Variants in MIPEP observed in about 807,000 individuals in gnomAD.
MIPEP encodes mitochondrial intermediate peptidase.
Under a neutral mutation model 90.3 loss-of-function variants are expected in MIPEP, and 79 were observed. That is an observed-to-expected ratio of 0.87 (90% CI 0.73 to 1.05). The LOEUF is 1.05. Among genes scored for constraint, MIPEP ranks in the 50% least tolerant of loss-of-function variants. The probability of loss-of-function intolerance (pLI) is 0.00; values close to 1 mark genes in which losing one functional copy is unlikely to be tolerated. For synonymous variants in MIPEP, 334 were observed against 315.8 expected, an observed-to-expected ratio of 1.06 and a Z score of -0.61; for missense variants, 940 against 905.6, an observed-to-expected ratio of 1.04 and a Z score of -0.49.
At chr13:23,874,395 G>A (rs1247912108) in intron 5 of MIPEP, among the ~76,000 whole-genome samples, 1 of 151,740 alleles carries the variant, frequency 6.6e-6, no homozygotes, top group Non-Finnish European at 1.5e-5. Context: ...TGAAGGGGAT[G>A]GACTAGGTAG....
intron 14 of MIPEP, among the ~76,000 whole-genome samples, chr13:23,818,092 C>T (rs1275765403): frequency 1.3e-5 from 2 of 149,332 alleles, no homozygotes; most frequent in Admixed American, 6.6e-5. Flanking sequence ...AGCTAAGCAG[C>T]GTTAAAAGAA....
chr13:23,750,923 CTG>C (rs1316553893), intron 18 of MIPEP, among the ~76,000 whole-genome samples: 1 of 152,194 alleles, frequency 6.6e-6, no homozygotes, highest in Non-Finnish European at 1.5e-5. Flanking sequence ...GCGCCCATCA[CTG>C]TGTGTGTTTC....
intron 16 of MIPEP, among the ~76,000 whole-genome samples, chr13:23,797,758 G>A (rs1255953531): frequency 1.3e-5 from 2 of 152,178 alleles, no homozygotes; most frequent in Non-Finnish European, 2.9e-5. Context: ...CAGGGAAGGA[G>A]CCTCCCTCTG....
Position 23,841,489 on chromosome 13 carries a change from C to A in MIPEP, c.1107-1G>T, listed in dbSNP as rs749302105. On this transcript the variant is annotated splice_acceptor_variant, in intron 10 of 18. Coordinates refer to ENST00000382172, the MANE Select transcript of MIPEP (RefSeq NM_005932.4). LOFTEE classifies it high-confidence loss of function. ...ATATAGGCTGGGCTCAATATTATAC[C>A]TAAGAGAAGGAAGAGAGGTTCAACA... 1.3e-6 allele frequency: 2 copies of A among 1,597,778 alleles called. No individual in the cohort carries two copies. Among genetic ancestry groups the A allele is most frequent in the Non-Finnish European group, 8.5e-7 (1 of 1,175,446 alleles).
chr13:23,886,531 T>A lies in MIPEP; in HGVS notation c.190-25A>T, dbSNP rs758725096. 25 of 1,504,158 alleles carry A rather than the reference T, an allele frequency of 1.7e-5. No individual in the cohort carries two copies. The South Asian group carries it at 3.3e-4, about 20-fold the overall frequency. The allele number at this position is 1,504,158 out of a possible 1,614,324, so 93.2% of individuals were successfully genotyped here. A position where few individuals can be genotyped will look rare whatever the true frequency, so the allele number is the denominator to read the frequency against. On this transcript the variant is annotated intron_variant, in intron 1 of 18. Transcript: ENST00000382172. Reference sequence around the variant, plus strand: ...CCTTAGAACCAAAGAATACGTCTGATTTATAACCAAAATTCAAAATTGTGC... The same window carrying A: ...CCTTAGAACCAAAGAATACGTCTGAATTATAACCAAAATTCAAAATTGTGC...
At chr13:23,753,454 AT>A (rs1319129509) in intron 18 of MIPEP, among the ~76,000 whole-genome samples, 1 of 152,120 alleles carries the variant, frequency 6.6e-6, no homozygotes, top group Non-Finnish European at 1.5e-5. Context: ...TTCAAATGGT[AT>A]TTGGTGTGTT....
At chr13:23,784,361 A>C (rs1347883198) in intron 16 of MIPEP, among the ~76,000 whole-genome samples, 1 of 152,214 alleles carries the variant, frequency 6.6e-6, no homozygotes, top group African/African-American at 2.4e-5. Context: ...GATCTTTGAC[A>C]AACCTGACAA....
chr13:23,790,184 C>G (rs934931178), intron 16 of MIPEP, among the ~76,000 whole-genome samples: 2 of 152,174 alleles, frequency 1.3e-5, no homozygotes, highest in African/African-American at 4.8e-5. Flanking sequence ...TCAGAACACT[C>G]CAACTCTGAT....
chr13:23,843,040 G>C (rs1434553355), intron 10 of MIPEP, among the ~76,000 whole-genome samples: 1 of 146,328 alleles, frequency 6.8e-6, no homozygotes, highest in Non-Finnish European at 1.5e-5. Flanking sequence ...GAGGTTGAGT[G>C]AGCCACGATT....
At chr13:23,748,987 C>A (rs945050228) in intron 18 of MIPEP, among the ~76,000 whole-genome samples, 3 of 152,206 alleles carry the variant, frequency 2.0e-5, no homozygotes, top group Non-Finnish European at 4.4e-5. Flanking sequence ...TACTGTTCTC[C>A]TACAGTGCTG....
At chr13:23,846,843 TG>T (rs1869565905) in intron 10 of MIPEP, among the ~76,000 whole-genome samples, 7 of 152,150 alleles carry the variant, frequency 4.6e-5, no homozygotes, top group African/African-American at 1.7e-4. Flanking sequence ...ATGATGATGA[TG>T]ATGATGATGG....
chr13:23,825,929 G>C (rs977610031), intron 14 of MIPEP, among the ~76,000 whole-genome samples: 1 of 152,070 alleles, frequency 6.6e-6, no homozygotes, highest in African/African-American at 2.4e-5. Flanking sequence ...TATTCAGTGA[G>C]AAAGACAACT....
intron 11 of MIPEP, among the ~76,000 whole-genome samples, chr13:23,841,082 A>AT (rs1377678806): frequency 6.6e-6 from 1 of 152,222 alleles, no homozygotes; most frequent in Non-Finnish European, 1.5e-5. Flanking sequence ...TGGATATATG[A>AT]AGGTGCATAT....
In MIPEP at chr13:23,841,333, A is replaced by G. The variant is rs978571019; in HGVS notation, c.1260+2T>C. 4 of 1,608,590 alleles carry G rather than the reference A, an allele frequency of 2.5e-6. No homozygotes were observed. The highest frequency in any genetic ancestry group is 3.4e-6 in the Non-Finnish European group (4 of 1,178,352). ...ACTGCAGGCTGAGCAGGAGGAGCTC[A>G]CCAGTTTTCGGACATCTTCGCTCCA... On this transcript the variant is annotated splice_donor_variant, in intron 11 of 18. Coordinates refer to ENST00000382172, the MANE Select transcript of MIPEP (RefSeq NM_005932.4). LOFTEE classifies it high-confidence loss of function.
chr13:23,888,808 G>A, intron 1 of MIPEP: 2 of 1,014,654 alleles, frequency 2.0e-6, no homozygotes, highest in South Asian at 4.9e-5. Flanking sequence ...GGGTGCGCCT[G>A]AGTGTATGCA....
chr13:23,778,075 GAA>G (rs1952737244), intron 16 of MIPEP, among the ~76,000 whole-genome samples: 1 of 152,158 alleles, frequency 6.6e-6, no homozygotes, highest in African/African-American at 2.4e-5. Context: ...GCTTAAGTGG[GAA>G]AAAGTTATGG....
chr13:23,814,909 T>C (rs1176784557), intron 14 of MIPEP, among the ~76,000 whole-genome samples: 2 of 152,212 alleles, frequency 1.3e-5, no homozygotes, highest in Non-Finnish European at 2.9e-5. Context: ...AAAACTGAGT[T>C]TGAATCCCAA....
chr13:23,774,308 G>A (rs1190591860), intron 16 of MIPEP, among the ~76,000 whole-genome samples: 1 of 151,786 alleles, frequency 6.6e-6, no homozygotes, highest in Non-Finnish European at 1.5e-5. Flanking sequence ...CTTGATTACT[G>A]TAGCTCTGTA....
At chr13:23,799,049 G>T (rs370070563) in intron 16 of MIPEP, among the ~76,000 whole-genome samples, 28 of 117,842 alleles carry the variant, frequency 2.4e-4, no homozygotes, top group African/African-American at 8.8e-4. Flanking sequence ...TGTCGCCCAA[G>T]CTGGGGTGCA....
Sources: allele counts gnomAD v4.1 joint callset (sites outside exome capture counted in the v4.1 genomes callset), GRCh38; gene constraint gnomAD v4.1.1; transcripts MANE v1.5; gene names NCBI Gene and HGNC (gene_info 2026-07-23, HGNC 2026-07-21).